Variants in DNHD1 observed in about 807,000 individuals in gnomAD.
DNHD1 encodes the protein dynein heavy chain domain 1, also known as dynein heavy chain domain-containing protein 1.
DNHD1 carries 383 observed loss-of-function variants against 458.1 expected under a neutral mutation model. The observed-to-expected ratio is 0.84, with a 90% confidence interval of 0.77 to 0.91. The LOEUF (loss-of-function observed/expected upper bound fraction) is 0.91, where lower values mean the gene tolerates loss of function less well. Ranked by LOEUF, DNHD1 falls within the 40% of genes least tolerant of loss-of-function variation. The pLI is 0.00. For synonymous variants in DNHD1, 2,203 were observed against 2,376.9 expected (o/e 0.93, Z 2.13); for missense variants, 5,336 against 5,866.1 (o/e 0.91, Z 2.95).
rs768386552 is a variant in DNHD1, at chr11:6,498,835, A to T, written c.620A>T (p.Glu207Val). The T allele has an allele frequency of 3.1e-6, 5 of 1,614,068 alleles. No homozygotes were observed. The East Asian group carries it at 1.1e-4, about 36-fold the overall frequency. The change falls in exon 3 of 43, where the codon GAA becomes GTA. Residue 207 changes from glutamate (E) to valine (V), a missense_variant. Physicochemically the swap from Glu to Val is moderately radical, Grantham distance 121. This residue lies in a region of DNHD1 where 3,932 missense variants were observed against 4,365.6 expected (regional missense o/e 0.90). Coordinates refer to ENST00000254579, the MANE Select transcript of DNHD1 (RefSeq NM_144666.3). Reference sequence around the variant, plus strand: ...ATTGTTGGTGCTCAGGTGGCCCTAGAAGAGGCTGTGTGGCTGGATGGACTT... The same window carrying T: ...ATTGTTGGTGCTCAGGTGGCCCTAGTAGAGGCTGTGTGGCTGGATGGACTT... The part of the protein sequence containing the change: ...LGIVGAQVAL[E>V]EAVWLDGLSL...
Position 6,547,475 on chromosome 11 carries a change from A to G in DNHD1, c.6536A>G (p.Asn2179Ser). The G allele has an allele frequency of 6.4e-7, 1 of 1,550,850 alleles. No homozygotes were observed. The highest frequency in any genetic ancestry group is 8.7e-7 in the Non-Finnish European group (1 of 1,146,268). ...CAGCACCGGACAGTCGCTGAGCTCA[A>G]CCACATGGCTGAGGTTCTGGTGCCT... ...RLQHRTVAEL[N>S]HMAEVLVPAT... The change falls in exon 21 of 43, where the codon AAC becomes AGC. Residue 2179 changes from asparagine (N) to serine (S), a missense_variant. Physicochemically the swap from Asn to Ser is conservative, Grantham distance 46. Coordinates refer to ENST00000254579, the MANE Select transcript of DNHD1 (RefSeq NM_144666.3).
In DNHD1 at chr11:6,520,042, T is replaced by C; in HGVS notation, c.1725T>C (p.Val575=). The change falls in exon 9 of 43, where the codon GTT becomes GTC. Residue 575 remains valine, a synonymous_variant. Transcript: ENST00000254579. ...GTCAACTGTCTCATGTGCCCTGTGT[T>C]GAAAATATGATCCAGACTCTAACTG... The part of the protein sequence containing the change: ...DHGQLSHVPC[V]ENMIQTLTGG... 1 of 1,614,150 alleles carries C rather than the reference T, an allele frequency of 6.2e-7. No homozygotes were observed. The highest frequency in any genetic ancestry group is 8.5e-7 in the Non-Finnish European group (1 of 1,180,018).
chr11:6,500,889 C>G (rs1354635068), intron 3 of DNHD1, among the ~76,000 whole-genome samples: 3 of 151,946 alleles, frequency 2.0e-5, no homozygotes, highest in African/African-American at 7.3e-5. Context: ...AATATAATTA[C>G]AAATTGTAAT....
rs778974535 is a variant in DNHD1 at position 6,534,008 on chromosome 11, T to C, written c.2833T>C (p.Leu945=). ...PKLQQLMAAA[L]AELEGLLAKA... is the part of the protein sequence containing the mutation. Reference sequence around the variant, plus strand: ...GCTGCAGCAGCTGATGGCAGCAGCATTGGCAGAGCTGGAAGGCCTGCTTGC... The same window carrying C: ...GCTGCAGCAGCTGATGGCAGCAGCACTGGCAGAGCTGGAAGGCCTGCTTGC... The change falls in exon 14 of 43, where the codon TTG becomes CTG. Residue 945 remains leucine, a synonymous_variant. Transcript: ENST00000254579. 31 of 1,551,380 alleles carry C rather than the reference T, an allele frequency of 2.0e-5. No homozygotes were observed. The highest frequency in any genetic ancestry group is 1.9e-4 in the South Asian group (16 of 84,038).
At chr11:6,552,505 C>G (rs149794844) in intron 24 of DNHD1, among the ~76,000 whole-genome samples, 36 of 152,078 alleles carry the variant, frequency 2.4e-4, no homozygotes, top group African/African-American at 7.5e-4. Flanking sequence ...GCCTGGGTGA[C>G]AAGAGCAAAA....
chr11:6,528,432 TGTGTAC>T (rs1212814244), intron 10 of DNHD1, 84 bp from the exon 11 acceptor site: 305 of 1,354,070 alleles, frequency 2.3e-4, no homozygotes, highest in Admixed American at 3.8e-4. Flanking sequence ...TGTGTGTGTG[TGTGTAC>T]ACACACTGAG....
chr11:6,517,164 T>A (rs1000101238), intron 7 of DNHD1, among the ~76,000 whole-genome samples: 4 of 152,138 alleles, frequency 2.6e-5, no homozygotes, highest in African/African-American at 7.2e-5. Flanking sequence ...AATTGACAAA[T>A]AAAAATGGAA....
Position 6,544,903 on chromosome 11 carries a change from T to C in DNHD1, c.3964T>C (p.Phe1322Leu). 1 of 1,551,694 alleles carries C rather than the reference T, an allele frequency of 6.4e-7. No individual in the cohort carries two copies. Among genetic ancestry groups the C allele is most frequent in the Non-Finnish European group, 8.7e-7 (1 of 1,146,978 alleles). The change falls in exon 21 of 43, where the codon TTC becomes CTC. Residue 1322 changes from phenylalanine to leucine, a missense_variant. Around this residue, in one of 4 missense-constraint regions of DNHD1, gnomAD observed 3,932 missense variants for 4,365.6 expected, o/e 0.90. Coordinates refer to ENST00000254579, the MANE Select transcript of DNHD1 (RefSeq NM_144666.3). The part of the protein sequence containing the change: ...VVPSAERSPY[F>L]QGQQLQQLLQ... Reference sequence around the variant, plus strand: ...GCCCAGTGCCGAGAGGAGCCCTTACTTCCAAGGCCAGCAGCTGCAACAACT... The same window carrying C: ...GCCCAGTGCCGAGAGGAGCCCTTACCTCCAAGGCCAGCAGCTGCAACAACT...
chr11:6,546,852 T>C lies in DNHD1; in HGVS notation c.5913T>C (p.Ile1971=). 2 of 1,551,718 alleles carry C rather than the reference T, an allele frequency of 1.3e-6. No homozygotes were observed. Among genetic ancestry groups the C allele is most frequent in the Non-Finnish European group, 1.7e-6 (2 of 1,146,988 alleles). ...TAGGTCTGGATCCCAGCCCTGACAT[T>C]TTGGGGTCCTTGGAACAGTTGAGCC... The part of the protein sequence containing the change: ...QQVGLDPSPD[I]LGSLEQLSQA... The change falls in exon 21 of 43, where the codon ATT becomes ATC. Residue 1971 remains isoleucine, a synonymous_variant. Transcript: ENST00000254579.
rs1190276079 is a variant in DNHD1 at position 6,545,062 on chromosome 11, C to G, written c.4123C>G (p.Leu1375Val). The change falls in exon 21 of 43, where the codon CTG (leucine) becomes GTG (valine). Residue 1375 changes from leucine to valine, a missense_variant. Leu to Val is a conservative substitution (Grantham distance 32, BLOSUM62 1). Coordinates refer to ENST00000254579, the MANE Select transcript of DNHD1 (RefSeq NM_144666.3). This position sits in a 1 kb window ranked among gnomAD's most constrained non-coding sequence, Gnocchi z 4.9. ...GCTGGTAGCCCTGCTGGCTGCTCGA[C>G]TGGAATCATGCGAAGCCCAGCTATG... ...SELVALLAARLESCEAQLWVR... is the reference protein window; with the variant it reads ...SELVALLAARVESCEAQLWVR... 1.3e-6 allele frequency: 2 copies of G among 1,551,922 alleles called. No homozygotes were observed. The highest frequency in any genetic ancestry group is 3.9e-5 in the Admixed American group (2 of 51,012).
chr11:6,558,809 T>G (rs1308608729), intron 26 of DNHD1, 93 bp from the exon 27 acceptor site: 1 of 1,511,680 alleles, frequency 6.6e-7, no homozygotes, highest in Non-Finnish European at 9.0e-7. Flanking sequence ...CCTTCACATT[T>G]CCTACCCTTC....
chr11:6,562,108 G>A (rs536038133), intron 28 of DNHD1, among the ~76,000 whole-genome samples: 5 of 152,318 alleles, frequency 3.3e-5, no homozygotes, highest in Non-Finnish European at 7.3e-5. Context: ...CTGAGCATGA[G>A]TGACTGACAT....
chr11:6,534,980 C>CA (rs1485394841), intron 14 of DNHD1, among the ~76,000 whole-genome samples: 5 of 152,218 alleles, frequency 3.3e-5, no homozygotes, highest in Non-Finnish European at 4.4e-5. Context: ...CTCCTGGACT[C>CA]AGGCAGTCCT....
chr11:6,566,514 C>G (rs1853702909), intron 34 of DNHD1, 73 bp from the exon 35 acceptor site: 1 of 1,563,448 alleles, frequency 6.4e-7, no homozygotes, highest in Non-Finnish European at 8.7e-7. Flanking sequence ...AGCAGGGAGC[C>G]ATACTCCCTG....
At chr11:6,551,941 CAA>C (rs1385986977) in intron 24 of DNHD1, among the ~76,000 whole-genome samples, 2 of 117,922 alleles carry the variant, frequency 1.7e-5, no homozygotes, top group Non-Finnish European at 1.8e-5. Context: ...ACTCCGTCTC[CAA>C]AAAAAAAAAG....
rs1038638318 is a variant in DNHD1 at position 6,562,967 on chromosome 11, G to T, written c.9520-15G>T. The T allele has an allele frequency of 8.4e-6, 13 of 1,550,088 alleles. No homozygotes were observed. The African/African-American group carries it at 1.8e-4, about 21-fold the overall frequency. ...CCAAGATCTGGAGCTGCAGGGCCTG[G>T]ATCTGTCTCTGCAGAGTCTCAGCAT... On this transcript the variant is annotated splice_polypyrimidine_tract_variant and intron_variant, in intron 28 of 42. Transcript: ENST00000254579.
intron 18 of DNHD1, among the ~76,000 whole-genome samples, chr11:6,543,185 C>T (rs887671020): frequency 1.3e-5 from 2 of 152,204 alleles, no homozygotes; most frequent in African/African-American, 4.8e-5. Context: ...AATGAGTTTT[C>T]TTCCCACCAG....
chr11:6,555,955 CAT>C (rs1221568521), intron 24 of DNHD1, among the ~76,000 whole-genome samples: 17 of 151,976 alleles, frequency 1.1e-4, no homozygotes, highest in African/African-American at 4.1e-4. Context: ...GTATGTAAAT[CAT>C]GTCTTAATAA....
Position 6,505,299 on chromosome 11 carries a change from T to C in DNHD1, c.920+2373T>C, listed in dbSNP as rs1852209596. Among the ~76,000 whole-genome samples the C allele has an allele frequency of 6.6e-6, 1 of 152,088 alleles. No homozygotes were observed. Among genetic ancestry groups the C allele is most frequent in the African/African-American group, 2.4e-5 (1 of 41,404 alleles). ...TCTCACTCTGTTGCCTAGGCTGGAG[T>C]GCCATGGCGATCTTGGCTCACTTTA... On this transcript the variant is annotated intron_variant, in intron 4 of 42. Coordinates refer to ENST00000254579, the MANE Select transcript of DNHD1 (RefSeq NM_144666.3). The surrounding 1 kb of genome is among the most constrained non-coding windows in gnomAD (Gnocchi z 4.4).
Sources: allele counts gnomAD v4.1 joint callset (sites outside exome capture counted in the v4.1 genomes callset), GRCh38; gene constraint gnomAD v4.1.1; regional missense constraint gnomAD v4.1.1; non-coding constraint Gnocchi (gnomAD v3.1); transcripts MANE v1.5; gene names NCBI Gene and HGNC (gene_info 2026-07-23, HGNC 2026-07-21).